Variants in PGLYRP4 observed in about 807,000 individuals in gnomAD.
PGLYRP4 encodes the protein PGRP-I-beta.
In PGLYRP4, 39 loss-of-function variants were observed where a neutral mutation model predicts 41.2. The ratio of observed to expected loss-of-function variants is 0.95; its 90% CI spans 0.73 to 1.24. The LOEUF (loss-of-function observed/expected upper bound fraction) is 1.24. PGLYRP4 is among the 50% of genes most tolerant of loss of function. PGLYRP4 has a pLI of 0.00. For missense variants in PGLYRP4, 467 were observed against 460.7 expected, an observed-to-expected ratio of 1.01 and a Z score of -0.13; for synonymous variants, 202 against 186.8, an observed-to-expected ratio of 1.08 and a Z score of -0.66.
At chr1:153,337,704 A>G (rs1052472977) in intron 7 of PGLYRP4, among the ~76,000 whole-genome samples, 41 of 152,196 alleles carry the variant, frequency 2.7e-4, no homozygotes, top group African/African-American at 9.2e-4. Context: ...GTCAATGAAG[A>G]TAAAAGAGAA....
At chr1:153,333,250 C>T (rs1171308909) in intron 8 of PGLYRP4, among the ~76,000 whole-genome samples, 1 of 151,956 alleles carries the variant, frequency 6.6e-6, no homozygotes, top group Non-Finnish European at 1.5e-5. Context: ...ACAGTTGATA[C>T]CACAGAAATA....
intron 7 of PGLYRP4, among the ~76,000 whole-genome samples, chr1:153,339,574 G>A (rs1660708753): frequency 6.6e-6 from 1 of 152,136 alleles, no homozygotes; most frequent in African/African-American, 2.4e-5. Context: ...TTTCCTGATG[G>A]GATGTTACAT....
At chr1:153,331,445 T>C (rs1001469169) in intron 8 of PGLYRP4, among the ~76,000 whole-genome samples, 3 of 152,216 alleles carry the variant, frequency 2.0e-5, no homozygotes, top group Non-Finnish European at 2.9e-5. Flanking sequence ...CTTTCATGTC[T>C]AGCTCAATGC....
intron 8 of PGLYRP4, among the ~76,000 whole-genome samples, chr1:153,335,297 T>A (rs957748976): frequency 6.6e-6 from 1 of 152,168 alleles, no homozygotes; most frequent in Non-Finnish European, 1.5e-5. Flanking sequence ...ACTATGCATC[T>A]GACAAAGAGC....
At chr1:153,343,347 C>G (rs561071566) in intron 4 of PGLYRP4, 139 bp from the exon 5 acceptor site, 11 of 628,910 alleles carry the variant, frequency 1.7e-5, no homozygotes, top group African/African-American at 1.6e-4. Flanking sequence ...TCTTCCCAGA[C>G]ATTGAAAAGA....
At chr1:153,345,963 A>G in intron 3 of PGLYRP4, 139 bp downstream of exon 3, 1 of 704,882 alleles carries the variant, frequency 1.4e-6, no homozygotes, top group Non-Finnish European at 2.6e-6. Context: ...CAGGTGGTTT[A>G]CTGGTACTGC....
intron 7 of PGLYRP4, among the ~76,000 whole-genome samples, chr1:153,337,693 A>G (rs866054136): frequency 1.3e-5 from 2 of 152,174 alleles, no homozygotes. Context: ...GGTAGCTCAC[A>G]GTCAATGAAG....
chr1:153,344,143 C>G (rs888075451), intron 4 of PGLYRP4, among the ~76,000 whole-genome samples: 2 of 152,104 alleles, frequency 1.3e-5, no homozygotes, highest in Non-Finnish European at 2.9e-5. Flanking sequence ...CTTAAAAACT[C>G]TTAGTCTGTA....
At chr1:153,343,069 G>A (rs750075966) in intron 5 of PGLYRP4, 21 bp downstream of exon 5, 10 of 1,458,494 alleles carry the variant, frequency 6.9e-6, no homozygotes, top group Non-Finnish European at 9.6e-6. Context: ...TTTGGAGAAG[G>A]TCAGCTGTGA....
In PGLYRP4 at chr1:153,330,831, C is replaced by T. The variant is rs147105602; in HGVS notation, c.1058G>A (p.Arg353Gln). 183 of 1,613,848 alleles carry T rather than the reference C, an allele frequency of 1.1e-4. No homozygotes were observed. The highest frequency in any genetic ancestry group is 1.4e-4 in the Non-Finnish European group (165 of 1,179,914). The change falls in exon 9 of 9, where the codon CGA becomes CAA. Residue 353 changes from arginine (R) to glutamine (Q), a missense_variant. By Grantham distance (43) the Arg-to-Gln change is conservative. Transcript: ENST00000359650. ...YLLVGHSDVA[R>Q]TLSPGQALYN... The stretch of plus-strand genomic sequence containing the variant: ...CAAAGCCTGCCCAGGAGACAAGGTT[C>T]GGGCCACATCACTGTGGCCCACCAG...
chr1:153,344,965 C>G (rs1374505570), intron 4 of PGLYRP4: 1 of 569,270 alleles, frequency 1.8e-6, no homozygotes, highest in African/African-American at 1.9e-5. Flanking sequence ...TTCCTTGCTT[C>G]CTCCTGGGAG....
In PGLYRP4 at chr1:153,346,924, G is replaced by A. The variant is rs79973417; in HGVS notation, c.50-733C>T. Among the ~76,000 whole-genome samples, 419 of 152,308 alleles carry A rather than the reference G, an allele frequency of 2.8e-3. 14 individuals carry two copies. The East Asian group carries it at 0.064, about 23-fold the overall frequency. On this transcript the variant is annotated intron_variant, in intron 2 of 8. Coordinates refer to ENST00000359650, the MANE Select transcript of PGLYRP4 (RefSeq NM_020393.4). The stretch of plus-strand genomic sequence containing the variant: ...AGATGGGAAAATAAGGGTTTATAGA[G>A]CTTAATTGCTTGTTTAAAATCATTC...
At position 153,348,741 on chromosome 1, in the gene PGLYRP4, G is replaced by GAGA. The variant is rs3840432; in HGVS notation, c.-263_-261dup. ...AGCACTCGGGCTCTAGCTTCCCAGA[G>GAGA]AGAAGAGAGCCCAGGATCCCTAACA... On this transcript the variant is annotated 5_prime_UTR_variant, in exon 1 of 9. Transcript: ENST00000359650. The GAGA allele has an allele frequency of 0.83, 126,180 of 152,080 alleles. 52,539 individuals are homozygous for GAGA. Among genetic ancestry groups the GAGA allele is most frequent in the East Asian group, 0.88 (4,511 of 5,146 alleles). The allele number at this position is 152,080 out of a possible 1,614,324, so 9.4% of individuals were successfully genotyped here.
chr1:153,342,683 A>G (rs1281994454), intron 5 of PGLYRP4, among the ~76,000 whole-genome samples: 1 of 151,930 alleles, frequency 6.6e-6, no homozygotes, highest in African/African-American at 2.4e-5. Context: ...GGAGTAAGAG[A>G]TGAAAGGAAG....
chr1:153,337,814 T>C (rs572518711), intron 7 of PGLYRP4, among the ~76,000 whole-genome samples: 1 of 152,200 alleles, frequency 6.6e-6, no homozygotes, highest in African/African-American at 2.4e-5. Flanking sequence ...CAAAGTAAAC[T>C]TCCCCAGTCT....
chr1:153,332,474 A>G (rs1229160769), intron 8 of PGLYRP4, among the ~76,000 whole-genome samples: 1 of 152,184 alleles, frequency 6.6e-6, no homozygotes, highest in Non-Finnish European at 1.5e-5. Context: ...CAGATCATCA[A>G]GGCAGAAAAT....
In PGLYRP4 at chr1:153,346,681, G is replaced by A. The variant is rs150270830; in HGVS notation, c.50-490C>T. ...TCTGAAGGCCCATGGGGGATGGGCA[G>A]GGTGTTGATTGAGACCCTTACCCAC... On this transcript the variant is annotated intron_variant, in intron 2 of 8. Coordinates refer to ENST00000359650, the MANE Select transcript of PGLYRP4 (RefSeq NM_020393.4). Among the ~76,000 whole-genome samples, 30 of 152,346 alleles carry A rather than the reference G, an allele frequency of 2.0e-4. No homozygotes were observed. In the East Asian group the frequency reaches 5.2e-3, roughly 26 times the overall value.
intron 2 of PGLYRP4, among the ~76,000 whole-genome samples, 163 bp from the exon 3 acceptor site, chr1:153,346,354 C>G (rs1661008622): frequency 6.6e-6 from 1 of 152,210 alleles, no homozygotes; most frequent in Non-Finnish European, 1.5e-5. Flanking sequence ...AGAGGGCCAC[C>G]TCTAATAGCA....
chr1:153,335,445 A>G (rs1362600551), intron 8 of PGLYRP4, among the ~76,000 whole-genome samples: 1 of 152,234 alleles, frequency 6.6e-6, no homozygotes, highest in African/African-American at 2.4e-5. Context: ...AAAATGCTCA[A>G]CATTACTAAT....
Sources: allele counts gnomAD v4.1 joint callset (sites outside exome capture counted in the v4.1 genomes callset), GRCh38; gene constraint gnomAD v4.1.1; transcripts MANE v1.5; gene names NCBI Gene and HGNC (gene_info 2026-07-23, HGNC 2026-07-21).